The following MRC2 variants were observed in gnomAD, a reference collection of about 807,000 sequenced individuals.
MRC2 encodes the protein C-type mannose receptor 2.
Under a neutral mutation model 206.2 loss-of-function variants are expected in MRC2, and 84 were observed. That is an observed-to-expected ratio of 0.41 (90% CI 0.34 to 0.49). The LOEUF (loss-of-function observed/expected upper bound fraction) is 0.49. Among genes scored for constraint, MRC2 ranks in the 20% least tolerant of loss-of-function variants. The pLI, the probability that MRC2 is intolerant of heterozygous loss-of-function variation, is 0.31. For synonymous variants in MRC2, 798 were observed against 800.0 expected, an observed-to-expected ratio of 1.00 and a Z score of 0.04; for missense variants, 1,676 against 2,001.5, an observed-to-expected ratio of 0.84 and a Z score of 3.10.
At chr17:62,648,895 G>A (rs1037813187) in intron 1 of MRC2, among the ~76,000 whole-genome samples, 11 of 152,180 alleles carry the variant, frequency 7.2e-5, no homozygotes, top group Admixed American at 5.9e-4. Context: ...TCTTGAGCTC[G>A]CTGCCCAAAA....
chr17:62,687,122 C>T (rs2089041350), intron 20 of MRC2, among the ~76,000 whole-genome samples: 3 of 152,018 alleles, frequency 2.0e-5, no homozygotes, highest in South Asian at 4.2e-4. Flanking sequence ...ACCTGAATCC[C>T]ACCCCTGTCT....
In MRC2 at chr17:62,674,212, C is replaced by T. The variant is rs746432449; in HGVS notation, c.1569+42C>T. 59 of 1,425,986 alleles carry T rather than the reference C, an allele frequency of 4.1e-5. No homozygotes were observed. In the South Asian group the frequency reaches 6.7e-4, roughly 16 times the overall value. 88.3% of individuals were successfully genotyped at this position (1,425,986 alleles called of 1,614,324 possible). The stretch of plus-strand genomic sequence containing the variant: ...AGCTGCCCTGAGTGGGGCCACCTGT[C>T]AGAGGGGCTACCAGGGGAGGGAGAG... On this transcript the variant is annotated intron_variant, in intron 9 of 29. Transcript: ENST00000303375.
At chr17:62,658,255 C>T (rs2088640580) in intron 1 of MRC2, among the ~76,000 whole-genome samples, 2 of 152,164 alleles carry the variant, frequency 1.3e-5, no homozygotes, top group African/African-American at 4.8e-5. Context: ...CGGCATTTCT[C>T]CTCTAACTGG....
chr17:62,636,808 G>A (rs1395094923), intron 1 of MRC2, among the ~76,000 whole-genome samples: 1 of 151,886 alleles, frequency 6.6e-6, no homozygotes, highest in Non-Finnish European at 1.5e-5. Context: ...GTCTCACTAT[G>A]TTGCCCAGGC....
Position 62,645,269 on chromosome 17 carries a change from A to G in MRC2, c.118+17349A>G, listed in dbSNP as rs534124037. ...ATAATTCCGTATAGCCCATATTTTA[A>G]ACCTTCACATTCCTCCATTTCACAG... On this transcript the variant is annotated intron_variant, in intron 1 of 29. Transcript: ENST00000303375. Among the ~76,000 whole-genome samples the G allele has an allele frequency of 8.6e-5, 13 of 152,004 alleles. No homozygotes were observed. The East Asian group carries it at 2.5e-3, about 30-fold the overall frequency.
At chr17:62,673,930 C>A in intron 8 of MRC2, 133 bp from the exon 9 acceptor site, 1 of 717,890 alleles carries the variant, frequency 1.4e-6, no homozygotes. Flanking sequence ...CATTGCACAG[C>A]TGGGACACAG....
Position 62,666,442 on chromosome 17 carries a change from G to C in MRC2, c.695-13G>C. On this transcript the variant is annotated splice_polypyrimidine_tract_variant and intron_variant, in intron 3 of 29. Coordinates refer to ENST00000303375, the MANE Select transcript of MRC2 (RefSeq NM_006039.5). This position sits in a 1 kb window ranked among gnomAD's most constrained non-coding sequence, Gnocchi z 5.0. ...TGGAGGGGGCCTGAAGGAGAGGGCT[G>C]TCGTGGTGGCAGGTAACGACTGCGA... 1 of 1,613,838 alleles carries C rather than the reference G, an allele frequency of 6.2e-7. No homozygotes were observed.
At chr17:62,635,325 A>T (rs571092448) in intron 1 of MRC2, among the ~76,000 whole-genome samples, 204 of 152,062 alleles carry the variant, frequency 1.3e-3, no homozygotes, top group African/African-American at 4.6e-3. Context: ...CAAAGAAAAA[A>T]AATCCCACCC....
chr17:62,691,962 C>G (rs2089117116), intron 28 of MRC2, 150 bp from the exon 29 acceptor site: 3 of 1,030,328 alleles, frequency 2.9e-6, no homozygotes, highest in Non-Finnish European at 2.9e-6. Flanking sequence ...CCTGTGCCCC[C>G]ACAGTAACCA....
chr17:62,631,716 G>A (rs1184111514), intron 1 of MRC2, among the ~76,000 whole-genome samples: 2 of 151,994 alleles, frequency 1.3e-5, no homozygotes, highest in Non-Finnish European at 1.5e-5. Flanking sequence ...GGCCTGGACC[G>A]AGCCGCCTGC....
chr17:62,691,216 G>A, intron 28 of MRC2, 88 bp downstream of exon 28: 1 of 1,443,460 alleles, frequency 6.9e-7, no homozygotes, highest in South Asian at 1.3e-5. Flanking sequence ...CACAACTGCA[G>A]GGGGCACAGC....
intron 1 of MRC2, among the ~76,000 whole-genome samples, chr17:62,648,751 C>G (rs551116309): frequency 1.3e-5 from 2 of 152,288 alleles, no homozygotes; most frequent in Non-Finnish European, 2.9e-5. Context: ...GTTTATTTTT[C>G]TTTTAATTCT....
At chr17:62,663,269 CCTTT>C (rs1284225257) in intron 1 of MRC2, among the ~76,000 whole-genome samples, 2 of 140,984 alleles carry the variant, frequency 1.4e-5, no homozygotes, top group Non-Finnish European at 3.0e-5. Context: ...CTAGTTTCTT[CCTTT>C]CTTTCTCTTT....
At position 62,666,662 on chromosome 17, in the gene MRC2, G is replaced by A. The variant is rs34759830; in HGVS notation, c.859+43G>A. On this transcript the variant is annotated intron_variant, in intron 4 of 29. Transcript: ENST00000303375. The surrounding 1 kb of genome is among the most constrained non-coding windows in gnomAD (Gnocchi z 5.0). Reference sequence around the variant, plus strand: ...GCCTGCTCGTGCCTCTGGAGGGCCCGGGCCCTTTCCGCTTGTGGGTTGGGG... The same window carrying A: ...GCCTGCTCGTGCCTCTGGAGGGCCCAGGCCCTTTCCGCTTGTGGGTTGGGG... The A allele has an allele frequency of 0.022, 34,513 of 1,548,764 alleles. 428 individuals carry two copies. Among genetic ancestry groups the A allele is most frequent in the Middle Eastern group, 0.046 (268 of 5,854 alleles).
At chr17:62,686,889 C>T (rs550523057) in intron 20 of MRC2, among the ~76,000 whole-genome samples, 13 of 152,300 alleles carry the variant, frequency 8.5e-5, no homozygotes, top group Non-Finnish European at 1.6e-4. Context: ...TATTTCTGGG[C>T]TTACAATTTT....
At chr17:62,690,555 T>C (rs541476472) in intron 26 of MRC2, 87 bp from the exon 27 acceptor site, 1 of 1,503,926 alleles carries the variant, frequency 6.6e-7, no homozygotes, top group South Asian at 1.3e-5. Context: ...CTACTCAGGC[T>C]GCAGAGAAGA....
In MRC2 at chr17:62,666,997, C is replaced by A; in HGVS notation, c.973+127C>A. On this transcript the variant is annotated intron_variant, in intron 5 of 29. Transcript: ENST00000303375. The surrounding 1 kb of genome is among the most constrained non-coding windows in gnomAD (Gnocchi z 5.0). ...GGGTAGGGGAAGCACCGACCTCCAC[C>A]CCCCTCCCCAGACTGCGCCCCCCTA... 1 of 754,382 alleles carries A rather than the reference C, an allele frequency of 1.3e-6. No homozygotes were observed. The highest frequency in any genetic ancestry group is 1.7e-5 in the South Asian group (1 of 57,560). 46.7% of individuals were successfully genotyped at this position (754,382 alleles called of 1,614,324 possible). A position where few individuals can be genotyped will look rare whatever the true frequency, so the allele number is the denominator to read the frequency against.
At chr17:62,640,511 G>C (rs2088387932) in intron 1 of MRC2, among the ~76,000 whole-genome samples, 1 of 151,850 alleles carries the variant, frequency 6.6e-6, no homozygotes, top group African/African-American at 2.4e-5. Context: ...TCATTTGCAG[G>C]TCCACTTTTT....
chr17:62,650,486 T>C (rs1204994038), intron 1 of MRC2, among the ~76,000 whole-genome samples: 3 of 152,248 alleles, frequency 2.0e-5, no homozygotes, highest in Non-Finnish European at 1.5e-5. Flanking sequence ...ACAACTTGCC[T>C]GTGGGCTATC....
Sources: allele counts gnomAD v4.1 joint callset (sites outside exome capture counted in the v4.1 genomes callset), GRCh38; gene constraint gnomAD v4.1.1; non-coding constraint Gnocchi (gnomAD v3.1); transcripts MANE v1.5; gene names NCBI Gene and HGNC (gene_info 2026-07-23, HGNC 2026-07-21).